Variants in CFAP77 observed in about 807,000 individuals in gnomAD.
CFAP77 encodes cilia- and flagella-associated protein 77.
Under a neutral mutation model 31.1 loss-of-function variants are expected in CFAP77, and 25 were observed. That is an observed-to-expected ratio of 0.80 (90% confidence interval 0.59 to 1.12). The LOEUF is 1.12. CFAP77 is among the 50% of genes most tolerant of loss of function. The pLI, the probability that CFAP77 is intolerant of heterozygous loss-of-function variation, is 0.00. For synonymous variants in CFAP77, 151 were observed against 159.9 expected, an observed-to-expected ratio of 0.94 and a Z score of 0.42; for missense variants, 377 against 397.3, an observed-to-expected ratio of 0.95 and a Z score of 0.44.
rs1333749809 is a variant in CFAP77 at position 132,499,954 on chromosome 9, C to T, written c.524+354C>T. On this transcript the variant is annotated intron_variant, in intron 3 of 5. Coordinates refer to ENST00000393216, the MANE Select transcript of CFAP77 (RefSeq NM_001282957.2). The surrounding 1 kb of genome is among the most constrained non-coding windows in gnomAD (Gnocchi z 5.4). The stretch of plus-strand genomic sequence containing the variant: ...TCGCTTGAGTCCAGGAATTCGAGGC[C>T]AGGCTGGTCAACGTGGCAAAACCCC... Among the ~76,000 whole-genome samples the T allele has an allele frequency of 6.6e-6, 1 of 152,006 alleles. No homozygotes were observed. The highest frequency in any genetic ancestry group is 1.9e-4 in the East Asian group (1 of 5,172).
At chr9:132,512,053 T>TA (rs34713343) in intron 3 of CFAP77, among the ~76,000 whole-genome samples, 156 of 142,928 alleles carry the variant, frequency 1.1e-3, no homozygotes, top group East Asian at 3.8e-3. Context: ...AAACTCTGTT[T>TA]AAAAAAAAAA....
chr9:132,417,118 C>CTT (rs142153092), intron 1 of CFAP77, among the ~76,000 whole-genome samples: 1,633 of 139,226 alleles, frequency 0.012, 34 homozygotes, highest in African/African-American at 0.029. Context: ...TTCTTTTTTT[C>CTT]TTTTTTTTTT....
chr9:132,473,588 G>A (rs1042301081), intron 1 of CFAP77, among the ~76,000 whole-genome samples: 2 of 152,168 alleles, frequency 1.3e-5, no homozygotes, highest in African/African-American at 4.8e-5. Context: ...AACCAGACGC[G>A]TGAAAGCCAG....
chr9:132,458,994 G>A (rs1007933110), intron 1 of CFAP77, among the ~76,000 whole-genome samples: 2 of 152,244 alleles, frequency 1.3e-5, no homozygotes, highest in East Asian at 1.9e-4. Flanking sequence ...AATTTCCTTC[G>A]GGGTAAAAAT....
At chr9:132,470,528 T>C (rs1219145227) in intron 1 of CFAP77, among the ~76,000 whole-genome samples, 1 of 152,204 alleles carries the variant, frequency 6.6e-6, no homozygotes, top group Non-Finnish European at 1.5e-5. Context: ...GCATGTGTGG[T>C]GCCCCCTGGG....
chr9:132,482,214 CT>C, intron 1 of CFAP77: 2 of 680,110 alleles, frequency 2.9e-6, no homozygotes, highest in South Asian at 2.1e-5. Context: ...CATAGGGAGC[CT>C]TTTTCTTAAA....
At chr9:132,460,647 T>C (rs2131725109) in intron 1 of CFAP77, among the ~76,000 whole-genome samples, 1 of 152,200 alleles carries the variant, frequency 6.6e-6, no homozygotes, top group East Asian at 1.9e-4. Flanking sequence ...TCAACGGGTA[T>C]GAGATAACCT....
At chr9:132,522,310 C>T (rs7041031) in intron 3 of CFAP77, among the ~76,000 whole-genome samples, 67,012 of 152,026 alleles carry the variant, frequency 0.44, 15,396 homozygotes, top group East Asian at 0.77. Context: ...ACACTGCAGC[C>T]GGAAGGGTGG....
intron 5 of CFAP77, among the ~76,000 whole-genome samples, chr9:132,558,129 C>T (rs980446570): frequency 8.5e-5 from 13 of 152,188 alleles, no homozygotes; most frequent in African/African-American, 3.1e-4. Context: ...TACTGCCATC[C>T]CTGCCTTAGA....
chr9:132,548,166 C>T (rs970536969), intron 5 of CFAP77, among the ~76,000 whole-genome samples: 14 of 151,534 alleles, frequency 9.2e-5, no homozygotes, highest in Non-Finnish European at 1.5e-4. Flanking sequence ...GTCCATGCCA[C>T]GGGCCCCGCC....
intron 4 of CFAP77, among the ~76,000 whole-genome samples, chr9:132,541,255 C>T (rs920202758): frequency 1.3e-5 from 2 of 152,232 alleles, no homozygotes; most frequent in African/African-American, 2.4e-5. Context: ...CTCCTCAGAG[C>T]TCAACTCAGC....
intron 5 of CFAP77, among the ~76,000 whole-genome samples, chr9:132,570,647 A>G (rs1252770570): frequency 1.3e-5 from 2 of 152,186 alleles, no homozygotes; most frequent in Admixed American, 1.3e-4. Context: ...AGCATCCCCA[A>G]GGGGTCCACA....
intron 5 of CFAP77, among the ~76,000 whole-genome samples, chr9:132,548,286 G>GGGGGGGGGGGGCCCCCCC (rs1564248910): frequency 3.1e-5 from 4 of 129,000 alleles, no homozygotes; most frequent in South Asian, 6.0e-4. Context: ...GGGGGGTGGG[G>GGGGGGGGGGGGCCCCCCC]GGTGAAGCTG....
At position 132,497,823 on chromosome 9, in the gene CFAP77, C is replaced by T. The variant is rs113763418; in HGVS notation, c.196-872C>T. Reference sequence around the variant, plus strand: ...ACCCAGCAAGTGCCCACTGATGCAGCGGGTGCGATGGGGTTCGAAGCACTG... The same window carrying T: ...ACCCAGCAAGTGCCCACTGATGCAGTGGGTGCGATGGGGTTCGAAGCACTG... On this transcript the variant is annotated intron_variant, in intron 1 of 5. Coordinates refer to ENST00000393216, the MANE Select transcript of CFAP77 (RefSeq NM_001282957.2). This position sits in a 1 kb window ranked among gnomAD's most constrained non-coding sequence, Gnocchi z 4.9. 1.3e-5 allele frequency among the ~76,000 whole-genome samples: 2 copies of T among 152,244 alleles called. No homozygotes were observed. Among genetic ancestry groups the T allele is most frequent in the African/African-American group, 2.4e-5 (1 of 41,546 alleles).
intron 3 of CFAP77, among the ~76,000 whole-genome samples, chr9:132,518,034 G>C (rs1299872834): frequency 6.6e-6 from 1 of 152,042 alleles, no homozygotes; most frequent in Non-Finnish European, 1.5e-5. Context: ...AACTTTTCTG[G>C]GGGGTTCCTG....
chr9:132,541,736 G>A (rs969301852), intron 4 of CFAP77, among the ~76,000 whole-genome samples: 41 of 152,094 alleles, frequency 2.7e-4, no homozygotes, highest in African/African-American at 8.7e-4. Flanking sequence ...ACAAAAAAAC[G>A]GGTAGGGGGG....
At chr9:132,547,698 G>A (rs1852756202) in intron 5 of CFAP77, among the ~76,000 whole-genome samples, 2 of 152,190 alleles carry the variant, frequency 1.3e-5, no homozygotes, top group African/African-American at 4.8e-5. Context: ...GTCCTCAGGT[G>A]TCCCCAGGTG....
intron 1 of CFAP77, among the ~76,000 whole-genome samples, chr9:132,429,578 C>T (rs1430510184): frequency 1.4e-5 from 2 of 146,960 alleles, no homozygotes; most frequent in African/African-American, 2.5e-5. Flanking sequence ...GGCCCAGTGG[C>T]TCATGCCTGT....
chr9:132,561,643 ACACACACACACACACACACC>A (rs1366098876), intron 5 of CFAP77, among the ~76,000 whole-genome samples: 1,165 of 109,344 alleles, frequency 0.011, 31 homozygotes, highest in African/African-American at 0.06. Flanking sequence ...ACACACACAC[ACACACACACACACACACACC>A]CCCTCCATGT....
Sources: gnomAD v4.1 joint callset for allele counts (sites outside exome capture counted in the v4.1 genomes callset) on GRCh38, gnomAD v4.1.1 for gene constraint, Gnocchi (gnomAD v3.1) non-coding constraint, MANE v1.5 for transcripts, NCBI Gene and HGNC (gene_info 2026-07-23, HGNC 2026-07-21) for gene names.